The following NUP153 variants were observed in gnomAD, a reference collection of about 807,000 sequenced individuals.
The protein encoded by NUP153 is nucleoporin 153.
Under a neutral mutation model 134.6 loss-of-function variants are expected in NUP153, and 27 were observed. The observed-to-expected ratio is 0.20, with a 90% CI of 0.15 to 0.28. The LOEUF (loss-of-function observed/expected upper bound fraction) is 0.28. Ranked by LOEUF, NUP153 falls within the 10% of genes least tolerant of loss-of-function variation. The probability of loss-of-function intolerance (pLI) is 1.00; values close to 1 mark genes in which losing one functional copy is unlikely to be tolerated. For synonymous variants in NUP153, 640 were observed against 623.5 expected, an observed-to-expected ratio of 1.03 and a Z score of -0.40; for missense variants, 1,821 against 1,731.3, an observed-to-expected ratio of 1.05 and a Z score of -0.92.
chr6:17,661,924 T>C (rs1767210738), intron 10 of NUP153, 94 bp downstream of exon 10: 1 of 1,286,758 alleles, frequency 7.8e-7, no homozygotes, highest in African/African-American at 1.5e-5. Context: ...GTTTCTGTTC[T>C]TTGATTTTAA....
At chr6:17,617,543 C>T (rs1764397165) in intron 20 of NUP153, among the ~76,000 whole-genome samples, 1 of 149,164 alleles carries the variant, frequency 6.7e-6, no homozygotes, top group Non-Finnish European at 1.5e-5. Context: ...CCAACACCAA[C>T]ACAAAGATGG....
chr6:17,632,863 A>AAAAAG lies in NUP153; in HGVS notation c.2465-20_2465-19insCTTTT. The AAAAAG allele has an allele frequency of 6.7e-7, 1 of 1,499,174 alleles. No homozygotes were observed. Among genetic ancestry groups the AAAAAG allele is most frequent in the Non-Finnish European group, 8.9e-7 (1 of 1,119,774 alleles). The allele number at this position is 1,499,174 out of a possible 1,614,324, so 92.9% of individuals were successfully genotyped here. A position where few individuals can be genotyped will look rare whatever the true frequency, so the allele number is the denominator to read the frequency against. Reference sequence around the variant, plus strand: ...GAACTTCCTAAAAAAAAAAAAAAAAACGGGGAGTGGGGGGAGATTTCATGA... The same window carrying AAAAAG: ...GAACTTCCTAAAAAAAAAAAAAAAAAAAAAGCGGGGAGTGGGGGGAGATTTCATGA... On this transcript the variant is annotated intron_variant, in intron 16 of 21. Transcript: ENST00000262077.
chr6:17,652,051 AAAATAAAT>A (rs997291862), intron 11 of NUP153: 4 of 380,546 alleles, frequency 1.1e-5, no homozygotes, highest in Non-Finnish European at 9.4e-6. Context: ...TCTCATCTCA[AAAATAAAT>A]AAATAAATAA....
intron 2 of NUP153, among the ~76,000 whole-genome samples, chr6:17,679,787 C>T (rs1000866654): frequency 1.3e-5 from 2 of 152,184 alleles, no homozygotes; most frequent in Admixed American, 1.3e-4. Context: ...AAAAAGAAAA[C>T]AGCCATTCTT....
intron 15 of NUP153, among the ~76,000 whole-genome samples, chr6:17,639,198 C>T (rs913429501): frequency 1.3e-5 from 2 of 152,052 alleles, no homozygotes; most frequent in African/African-American, 4.8e-5. Flanking sequence ...CTGCCTCAGC[C>T]TCCCGAGTAG....
chr6:17,705,900 A>T (rs556428611), intron 1 of NUP153, among the ~76,000 whole-genome samples: 77 of 152,218 alleles, frequency 5.1e-4, no homozygotes, highest in South Asian at 4.4e-3. Flanking sequence ...AGGGCCATCA[A>T]CCACATCTTT....
intron 11 of NUP153, 134 bp downstream of exon 11, chr6:17,661,519 G>C: frequency 4.0e-6 from 3 of 757,546 alleles, no homozygotes; most frequent in Non-Finnish European, 5.8e-6. Context: ...CATGCATTTT[G>C]AAAGAACTGA....
intron 1 of NUP153, among the ~76,000 whole-genome samples, chr6:17,694,481 A>G (rs1769504613): frequency 6.6e-6 from 1 of 152,134 alleles, no homozygotes; most frequent in South Asian, 2.1e-4. Context: ...CAACATGGTG[A>G]AACCCTGTCT....
chr6:17,618,706 CA>C (rs1361700365), intron 20 of NUP153, among the ~76,000 whole-genome samples: 20 of 152,036 alleles, frequency 1.3e-4, no homozygotes, highest in Non-Finnish European at 1.5e-5. Flanking sequence ...GCTGGGACTA[CA>C]GGCGCCCGCC....
In NUP153 at chr6:17,688,545, T is replaced by C; in HGVS notation, c.185A>G (p.Asn62Ser). The C allele has an allele frequency of 6.2e-7, 1 of 1,614,144 alleles. No individual in the cohort carries two copies. Among genetic ancestry groups the C allele is most frequent in the African/African-American group, 1.3e-5 (1 of 75,072 alleles). The change falls in exon 2 of 22, where the codon AAT (asparagine) becomes AGT (serine). Residue 62 changes from asparagine to serine, a missense_variant. Transcript: ENST00000262077. ...PGWLQRYFNKNEDVCSCSTDT... is the reference protein window; with the variant it reads ...PGWLQRYFNKSEDVCSCSTDT... ...TGTTGAACAGCTGCATACATCTTCA[T>C]TCTTGTTGAAGTATCTTTGTAGCCA...
chr6:17,626,933 G>C (rs1159359554), intron 18 of NUP153, among the ~76,000 whole-genome samples: 2 of 152,158 alleles, frequency 1.3e-5, no homozygotes, highest in Non-Finnish European at 2.9e-5. Context: ...CATGTTACAA[G>C]TTCTGCTGCT....
chr6:17,625,080 C>G lies in NUP153; in HGVS notation c.3902-247G>C, dbSNP rs145147755. On this transcript the variant is annotated intron_variant, in intron 19 of 21. Transcript: ENST00000262077. This position sits in a 1 kb window ranked among gnomAD's most constrained non-coding sequence, Gnocchi z 4.7. ...AACAACTACTCCACACCTTTACAGC[C>G]GACAATTTCTGGTAAAGGAACATAT... Among the ~76,000 whole-genome samples the G allele has an allele frequency of 1.3e-5, 2 of 152,230 alleles. No homozygotes were observed. The highest frequency in any genetic ancestry group is 3.9e-4 in the East Asian group (2 of 5,186).
Position 17,697,232 on chromosome 6 carries a change from T to G in NUP153, c.112-8614A>C, listed in dbSNP as rs923970529. 3.3e-5 allele frequency among the ~76,000 whole-genome samples: 5 copies of G among 152,288 alleles called. No individual in the cohort carries two copies. In the East Asian group the frequency reaches 5.8e-4, roughly 18 times the overall value. ...GTATTCTCTCTCCAAGAAAGAAGGGTTCTTCATTTGGCAAAACATGTCAAA... is the reference window on the plus strand; with the variant it reads ...GTATTCTCTCTCCAAGAAAGAAGGGGTCTTCATTTGGCAAAACATGTCAAA... On this transcript the variant is annotated intron_variant, in intron 1 of 21. Transcript: ENST00000262077.
At chr6:17,618,288 A>G (rs1342138271) in intron 20 of NUP153, among the ~76,000 whole-genome samples, 1 of 152,248 alleles carries the variant, frequency 6.6e-6, no homozygotes, top group African/African-American at 2.4e-5. Flanking sequence ...TCCTACACTC[A>G]TAACAACTAC....
intron 17 of NUP153, among the ~76,000 whole-genome samples, chr6:17,631,789 A>AC (rs957212495): frequency 6.6e-5 from 10 of 151,870 alleles, no homozygotes; most frequent in Admixed American, 1.3e-4. Context: ...ACATGGTGAA[A>AC]CCCCCGTCTC....
chr6:17,656,140 G>C (rs1000580468), intron 11 of NUP153, among the ~76,000 whole-genome samples: 1 of 144,320 alleles, frequency 6.9e-6, no homozygotes, highest in South Asian at 2.1e-4. Context: ...AGGAGGTGGA[G>C]GTTGCAGTGA....
Position 17,625,897 on chromosome 6 carries a change from G to A in NUP153, c.3812C>T (p.Thr1271Ile), listed in dbSNP as rs1476799086. Residue 1271 changes from threonine (T) to isoleucine (I), a missense_variant, in exon 19 of 22, where the codon ACC becomes ATC. Physicochemically the swap from Thr to Ile is moderately conservative, Grantham distance 89 (BLOSUM62 -1). Coordinates refer to ENST00000262077, the MANE Select transcript of NUP153 (RefSeq NM_005124.4). This position sits in a 1 kb window ranked among gnomAD's most constrained non-coding sequence, Gnocchi z 4.7. ...ATTSSTGTAV[T>I]PFVFGPGASS... ...GGCTCCTGGACCAAAGACAAATGGG[G>A]TGACAGCTGTACCTGTGCTGGATGT... 3.5e-5 allele frequency: 56 copies of A among 1,614,094 alleles called. No homozygotes were observed. Among genetic ancestry groups the A allele is most frequent in the Non-Finnish European group, 4.4e-5 (52 of 1,180,046 alleles).
Position 17,668,979 on chromosome 6 carries a change from T to C in NUP153, c.1064A>G (p.Glu355Gly). The change falls in exon 8 of 22, where the codon GAA becomes GGA. Residue 355 changes from glutamate to glycine, a missense_variant. By Grantham distance (98) the Glu-to-Gly change is moderately conservative. Coordinates refer to ENST00000262077, the MANE Select transcript of NUP153 (RefSeq NM_005124.4). ...TAAATGCTAAAGAAGTTTTACCTTT[T>C]CTCTTTTGGCCTGAAAATCTGTGAT... ...IDITDFQAKR[E>G]KVDSQYPPVQ... The C allele has an allele frequency of 1.3e-6, 2 of 1,557,578 alleles. No individual in the cohort carries two copies. Among genetic ancestry groups the C allele is most frequent in the East Asian group, 2.3e-5 (1 of 43,384 alleles).
chr6:17,647,062 T>C (rs964833429), intron 13 of NUP153, among the ~76,000 whole-genome samples: 8 of 151,994 alleles, frequency 5.3e-5, no homozygotes, highest in African/African-American at 1.9e-4. Flanking sequence ...CGGCCTCAAA[T>C]GCCATTTTCT....
Sources: allele counts gnomAD v4.1 joint callset (sites outside exome capture counted in the v4.1 genomes callset), GRCh38; gene constraint gnomAD v4.1.1; non-coding constraint Gnocchi (gnomAD v3.1); transcripts MANE v1.5; gene names NCBI Gene and HGNC (gene_info 2026-07-23, HGNC 2026-07-21).